KLF8: variants seen among roughly 807,000 people sequenced by gnomAD.
KLF8 encodes the protein Krueppel-like factor 8.
In KLF8, 10 loss-of-function variants were observed where a neutral mutation model predicts 18.2. The observed-to-expected ratio is 0.55, with a 90% CI of 0.34 to 0.93. KLF8 has a LOEUF of 0.93. Ranked by LOEUF, KLF8 falls within the 40% of genes least tolerant of loss-of-function variation. The pLI is 0.02. For synonymous variants in KLF8, 109 were observed against 97.3 expected (o/e 1.12, Z -0.71); for missense variants, 264 against 277.9 (o/e 0.95, Z 0.36).
At chrX:56,083,489 GC>G in the KLF8 span, among the ~76,000 whole-genome samples, 3 of 111,806 alleles carry the variant, frequency 2.7e-5, no homozygotes, top group African/African-American at 9.8e-5. Flanking sequence ...TGAAAATAAA[GC>G]TTTTTTTGAT....
At chrX:56,136,826 A>G in the KLF8 span, among the ~76,000 whole-genome samples, 6 of 110,334 alleles carry the variant, frequency 5.4e-5, no homozygotes, top group Admixed American at 5.8e-4. Context: ...CAACCTACAA[A>G]ATGGGAGAAA....
the KLF8 span, among the ~76,000 whole-genome samples, chrX:56,036,793 A>G: frequency 9.0e-6 from 1 of 111,370 alleles, no homozygotes; most frequent in Non-Finnish European, 1.9e-5. Flanking sequence ...ACAATAATAA[A>G]TTTTCTGATT....
At chrX:56,230,849 A>G (rs930176986), upstream of KLF8, among the ~76,000 whole-genome samples, 4 of 111,324 alleles carry the variant, frequency 3.6e-5, no homozygotes, top group Admixed American at 1.9e-4. Context: ...AATTATACCA[A>G]CAAATATGTG....
chrX:56,015,117 C>A, the KLF8 span: 4 of 110,510 alleles, frequency 3.6e-5, no homozygotes, highest in African/African-American at 1.3e-4. Context: ...TGTAACAAAC[C>A]TGCACATTCA....
chrX:56,090,985 G>T, the KLF8 span, among the ~76,000 whole-genome samples: 1 of 112,001 alleles, frequency 8.9e-6, no homozygotes. Flanking sequence ...GTATTCCGTG[G>T]TTTACACATA....
the KLF8 span, among the ~76,000 whole-genome samples, chrX:55,934,787 CATT>C: frequency 8.9e-6 from 1 of 112,404 alleles, no homozygotes; most frequent in African/African-American, 3.2e-5. Flanking sequence ...TCACCACACT[CATT>C]GTGTGACTCA....
At chrX:55,998,401 G>C in the KLF8 span, among the ~76,000 whole-genome samples, 1 of 112,430 alleles carries the variant, frequency 8.9e-6, no homozygotes, top group Non-Finnish European at 1.9e-5. Flanking sequence ...AGAAACCTTG[G>C]ACAATACCTG....
chrX:56,138,823 A>C, the KLF8 span, among the ~76,000 whole-genome samples: 2 of 111,334 alleles, frequency 1.8e-5, no homozygotes, highest in African/African-American at 6.5e-5. Flanking sequence ...CCAGAGCAAT[A>C]AGGCAAGAAA....
At chrX:56,173,096 G>T in the KLF8 span, among the ~76,000 whole-genome samples, 3 of 111,342 alleles carry the variant, frequency 2.7e-5, no homozygotes, top group Non-Finnish European at 3.8e-5. Flanking sequence ...AGAAGCTCTT[G>T]AGTTTAATTA....
chrX:55,938,623 G>A, the KLF8 span, among the ~76,000 whole-genome samples: 1 of 110,926 alleles, frequency 9.0e-6, no homozygotes, highest in Non-Finnish European at 1.9e-5. Flanking sequence ...CTGTATTCAG[G>A]AAACCCATCT....
At chrX:56,254,887 A>T (rs886331923) in intron 2 of KLF8, among the ~76,000 whole-genome samples, 2 of 111,331 alleles carry the variant, frequency 1.8e-5, no homozygotes, top group African/African-American at 3.3e-5. Context: ...AAAAGGCAAC[A>T]TTCAAGCAGG....
At chrX:56,223,739 G>A in the KLF8 span, among the ~76,000 whole-genome samples, 1 of 112,315 alleles carries the variant, frequency 8.9e-6, no homozygotes, top group Non-Finnish European at 1.9e-5. Context: ...TCTAAGCAGA[G>A]AGAAAGATGT....
At chrX:55,937,715 T>C in the KLF8 span, among the ~76,000 whole-genome samples, 1 of 112,523 alleles carries the variant, frequency 8.9e-6, no homozygotes, top group Non-Finnish European at 1.9e-5. Context: ...GCATGAGAAC[T>C]ACGTGATGAA....
chrX:56,185,959 G>A, the KLF8 span, among the ~76,000 whole-genome samples: 1 of 112,028 alleles, frequency 8.9e-6, no homozygotes, highest in Non-Finnish European at 1.9e-5. Flanking sequence ...GGAAGTAACT[G>A]CATCAACTAA....
chrX:56,140,108 T>G, the KLF8 span, among the ~76,000 whole-genome samples: 1 of 112,234 alleles, frequency 8.9e-6, no homozygotes, highest in Non-Finnish European at 1.9e-5. Flanking sequence ...AAAAAATAAC[T>G]GTTGCCAGCA....
At chrX:56,029,743 G>A in the KLF8 span, among the ~76,000 whole-genome samples, 1 of 111,601 alleles carries the variant, frequency 9.0e-6, no homozygotes, top group East Asian at 2.8e-4. Flanking sequence ...CTTTACAGTA[G>A]GCACATTGGT....
At chrX:56,248,293 G>T (rs1273501239) in intron 1 of KLF8, among the ~76,000 whole-genome samples, 1 of 100,064 alleles carries the variant, frequency 1.0e-5, no homozygotes, top group South Asian at 4.1e-4. Flanking sequence ...GTGTACCCTA[G>T]AACTTAAAGT....
At chrX:56,113,133 G>A in the KLF8 span, among the ~76,000 whole-genome samples, 1 of 108,437 alleles carries the variant, frequency 9.2e-6, no homozygotes, top group African/African-American at 3.4e-5. Flanking sequence ...TGGAGTCAGA[G>A]GTTGCAGTGA....
chrX:56,064,638 T>C, the KLF8 span, among the ~76,000 whole-genome samples: 3 of 111,580 alleles, frequency 2.7e-5, no homozygotes, highest in African/African-American at 9.8e-5. Context: ...TTTTCTGTAG[T>C]GGTACCATTT....
Sources: gnomAD v4.1 joint callset for allele counts (sites outside exome capture counted in the v4.1 genomes callset) on GRCh38, gnomAD v4.1.1 for gene constraint, MANE v1.5 for transcripts, NCBI Gene and HGNC (gene_info 2026-07-23, HGNC 2026-07-21) for gene names.